Variants in EBF2 observed in about 807,000 individuals in gnomAD.
EBF2 encodes the protein transcription factor COE2.
Under a neutral mutation model 72.8 loss-of-function variants are expected in EBF2, and 21 were observed. The ratio of observed to expected loss-of-function variants is 0.29; its 90% CI spans 0.20 to 0.42. The LOEUF is 0.42. EBF2 is among the 10% of genes least tolerant of loss of function. EBF2 has a pLI of 1.00. For synonymous variants in EBF2, 299 were observed against 274.2 expected (o/e 1.09, Z -0.89); for missense variants, 637 against 731.2 (o/e 0.87, Z 1.49).
chr8:26,022,126 A>G (rs1475247287), intron 6 of EBF2, among the ~76,000 whole-genome samples: 2 of 152,292 alleles, frequency 1.3e-5, no homozygotes, highest in South Asian at 2.1e-4. Context: ...TTCAGCCACA[A>G]TCTATTCTAT....
intron 6 of EBF2, among the ~76,000 whole-genome samples, chr8:25,988,196 G>A (rs901376958): frequency 3.3e-5 from 5 of 152,118 alleles, no homozygotes; most frequent in Non-Finnish European, 5.9e-5. Flanking sequence ...TCTTCACACA[G>A]TTCTGAGAGC....
chr8:25,897,434 C>A (rs1585186464), intron 7 of EBF2, among the ~76,000 whole-genome samples: 1 of 151,798 alleles, frequency 6.6e-6, no homozygotes, highest in African/African-American at 2.4e-5. Flanking sequence ...TGTGACACTG[C>A]AGTTTGAGAT....
At chr8:26,024,358 T>C (rs747551448) in intron 6 of EBF2, among the ~76,000 whole-genome samples, 4 of 152,186 alleles carry the variant, frequency 2.6e-5, no homozygotes, top group Non-Finnish European at 4.4e-5. Context: ...TATCTACACA[T>C]CCTTTGTTTT....
At position 25,861,058 on chromosome 8, in the gene EBF2, T is replaced by C. The variant is rs1802203183; in HGVS notation, c.1333A>G (p.Asn445Asp). The C allele has an allele frequency of 5.6e-6, 9 of 1,614,162 alleles. No homozygotes were observed. In the East Asian group the frequency reaches 2.0e-4, roughly 36 times the overall value. The change falls in exon 13 of 16, where the codon AAT (asparagine) becomes GAT (aspartate). Residue 445 changes from asparagine to aspartate, a missense_variant. Asn to Asp is a conservative substitution (Grantham distance 23, BLOSUM62 1). This residue lies in a region of EBF2 where 259 missense variants were observed against 268.1 expected (regional missense o/e 0.97). Transcript: ENST00000520164. ...GVSISESTQGNNQGYIRNTSS... is the reference protein window; with the variant it reads ...GVSISESTQGDNQGYIRNTSS... ...CTAAGAAAGGTGGTACCTTGATTAT[T>C]TCCTTGTGTTGACTCTGAGATGCTG... is the stretch of plus-strand genomic sequence containing the variant.
chr8:26,030,648 T>C (rs929018501), intron 6 of EBF2, among the ~76,000 whole-genome samples: 3 of 152,210 alleles, frequency 2.0e-5, no homozygotes, highest in Non-Finnish European at 4.4e-5. Flanking sequence ...TAAAACCTGA[T>C]ACTGGACTAT....
At chr8:25,982,074 C>T (rs1323885731) in intron 6 of EBF2, among the ~76,000 whole-genome samples, 1 of 152,072 alleles carries the variant, frequency 6.6e-6, no homozygotes, top group Non-Finnish European at 1.5e-5. Context: ...ATTTCAGCCC[C>T]TCGTATTATA....
intron 6 of EBF2, among the ~76,000 whole-genome samples, chr8:26,013,211 T>G (rs1476636396): frequency 6.6e-6 from 1 of 152,224 alleles, no homozygotes; most frequent in East Asian, 1.9e-4. Context: ...AATTAACTGA[T>G]GACGATGACG....
At chr8:25,890,714 T>G (rs1802762806) in intron 7 of EBF2, among the ~76,000 whole-genome samples, 1 of 152,192 alleles carries the variant, frequency 6.6e-6, no homozygotes, top group Non-Finnish European at 1.5e-5. Flanking sequence ...ATCTAAACCT[T>G]TCTGAGCACT....
intron 6 of EBF2, among the ~76,000 whole-genome samples, chr8:25,948,839 A>G (rs920187111): frequency 1.3e-5 from 2 of 152,216 alleles, no homozygotes; most frequent in African/African-American, 2.4e-5. Flanking sequence ...GCTTTTCCTT[A>G]TCTCTGCAAA....
At position 25,841,802 on chromosome 8, in the gene EBF2, A is replaced by T. The variant is rs1801749019; in HGVS notation, c.*2807T>A. 1 of 152,234 alleles carries T rather than the reference A, an allele frequency of 6.6e-6. No individual in the cohort carries two copies. Among genetic ancestry groups the T allele is most frequent in the South Asian group, 2.1e-4 (1 of 4,838 alleles). 9.4% of individuals were successfully genotyped at this position (152,234 alleles called of 1,614,324 possible). ...ACTGAAGTAGACATATTCATTTTAC[A>T]AACAAGATATTCTTTAAGTAAGACC... On this transcript the variant is annotated 3_prime_UTR_variant, in exon 16 of 16. Coordinates refer to ENST00000520164, the MANE Select transcript of EBF2 (RefSeq NM_022659.4).
chr8:25,854,301 G>A (rs551579938), intron 14 of EBF2, among the ~76,000 whole-genome samples: 6 of 149,866 alleles, frequency 4.0e-5, no homozygotes, highest in Non-Finnish European at 8.9e-5. Context: ...CTTGGTGATT[G>A]TAGTCAACTT....
intron 6 of EBF2, among the ~76,000 whole-genome samples, chr8:26,002,372 T>C (rs1804743115): frequency 6.6e-6 from 1 of 152,194 alleles, no homozygotes; most frequent in Non-Finnish European, 1.5e-5. Flanking sequence ...TTAAGAGTAT[T>C]GCTGACACAT....
intron 15 of EBF2, among the ~76,000 whole-genome samples, chr8:25,847,270 C>G (rs1402289883): frequency 6.6e-6 from 1 of 152,188 alleles, no homozygotes; most frequent in African/African-American, 2.4e-5. Flanking sequence ...AGCCTGCGAT[C>G]ACCCAGGCAC....
chr8:25,925,293 A>G (rs1196738492), intron 6 of EBF2, among the ~76,000 whole-genome samples: 1 of 152,116 alleles, frequency 6.6e-6, no homozygotes, highest in African/African-American at 2.4e-5. Context: ...AGAACTTCAG[A>G]AAACCCGGGG....
At chr8:25,887,757 TACCC>T in intron 9 of EBF2, 81 bp downstream of exon 9, 1 of 1,400,146 alleles carries the variant, frequency 7.1e-7, no homozygotes, top group Admixed American at 2.6e-5. Flanking sequence ...TATGCTTTTT[TACCC>T]TTGGTGTTTG....
chr8:25,957,338 C>T (rs1293774565), intron 6 of EBF2, among the ~76,000 whole-genome samples: 1 of 152,200 alleles, frequency 6.6e-6, no homozygotes, highest in Admixed American at 6.5e-5. Flanking sequence ...CTCTAAAATA[C>T]ACTGGGTAGG....
intron 6 of EBF2, among the ~76,000 whole-genome samples, chr8:25,991,385 T>C (rs779518909): frequency 5.3e-5 from 8 of 152,228 alleles, no homozygotes; most frequent in Non-Finnish European, 1.2e-4. Context: ...AACCACCACC[T>C]ATTGAGGCCC....
chr8:26,028,120 T>A lies in EBF2; in HGVS notation c.551+4965A>T, dbSNP rs74793425. Reference sequence around the variant, plus strand: ...TTAAAATGGCTAAGATGGTAAATTTTATATGTATTTTACCACAATTAATTT... The same window carrying A: ...TTAAAATGGCTAAGATGGTAAATTTAATATGTATTTTACCACAATTAATTT... On this transcript the variant is annotated intron_variant, in intron 6 of 15. Coordinates refer to ENST00000520164, the MANE Select transcript of EBF2 (RefSeq NM_022659.4). Among the ~76,000 whole-genome samples the A allele has an allele frequency of 1.9e-3, 293 of 152,348 alleles. 10 individuals carry two copies. In the East Asian group the frequency reaches 0.05, roughly 26 times the overall value.
intron 6 of EBF2, among the ~76,000 whole-genome samples, chr8:25,925,597 C>T (rs768182795): frequency 2.6e-5 from 4 of 152,176 alleles, no homozygotes; most frequent in Non-Finnish European, 5.9e-5. Flanking sequence ...TGCCTTTGTG[C>T]AGTGTGTGCG....
Sources: allele counts gnomAD v4.1 joint callset (sites outside exome capture counted in the v4.1 genomes callset), GRCh38; gene constraint gnomAD v4.1.1; regional missense constraint gnomAD v4.1.1; transcripts MANE v1.5; gene names NCBI Gene and HGNC (gene_info 2026-07-23, HGNC 2026-07-21).